The following HCN1 variants were observed in gnomAD, a reference collection of about 807,000 sequenced individuals.
HCN1 encodes potassium/sodium hyperpolarization-activated cyclic nucleotide-gated channel 1.
A neutral mutation model predicts 78.9 loss-of-function variants in HCN1; 13 were observed. The observed-to-expected ratio is 0.16, with a 90% confidence interval of 0.11 to 0.26. HCN1 has a LOEUF of 0.26. Ranked by LOEUF, HCN1 falls within the 10% of genes least tolerant of loss-of-function variation. HCN1 has a pLI of 1.00. For missense variants in HCN1, 810 were observed against 1,154.3 expected (o/e 0.70, Z 4.32); for synonymous variants, 552 against 455.5 (o/e 1.21, Z -2.70).
chr5:45,658,296 C>T (rs1366378336), intron 1 of HCN1, among the ~76,000 whole-genome samples: 2 of 152,178 alleles, frequency 1.3e-5, no homozygotes, highest in African/African-American at 4.8e-5. Context: ...TAGAAGAAAA[C>T]CTAGGCATTA....
In HCN1 at chr5:45,255,794, T is replaced by G. The variant is rs1431623106; in HGVS notation, c.*6127A>C. 1 of 152,196 alleles carries G rather than the reference T, an allele frequency of 6.6e-6. No homozygotes were observed. Among genetic ancestry groups the G allele is most frequent in the Admixed American group, 6.5e-5 (1 of 15,276 alleles). The allele number at this position is 152,196 out of a possible 1,614,324, so 9.4% of individuals were successfully genotyped here. On this transcript the variant is annotated 3_prime_UTR_variant, in exon 8 of 8. Coordinates refer to ENST00000303230, the MANE Select transcript of HCN1 (RefSeq NM_021072.4). ...TTTCTCAGGAGTTTTCCTCACAAAT[T>G]TAACAGGAAATAAAAACCTTTCAAG...
chr5:45,538,811 A>T (rs1450698590), intron 2 of HCN1, among the ~76,000 whole-genome samples: 1 of 152,200 alleles, frequency 6.6e-6, no homozygotes, highest in Admixed American at 6.5e-5. Flanking sequence ...GCCAAAGAAA[A>T]ATCATGTTTA....
intron 5 of HCN1, among the ~76,000 whole-genome samples, chr5:45,328,281 A>G (rs1181468658): frequency 6.6e-6 from 1 of 151,182 alleles, no homozygotes; most frequent in East Asian, 2.0e-4. Flanking sequence ...TCACAATTTC[A>G]TGAATAGAAG....
chr5:45,589,292 C>A (rs1240716090), intron 2 of HCN1, among the ~76,000 whole-genome samples: 1 of 152,034 alleles, frequency 6.6e-6, no homozygotes, highest in Non-Finnish European at 1.5e-5. Flanking sequence ...GGGTTTGCAG[C>A]AGTAGGGAAG....
chr5:45,346,775 C>T (rs564313317), intron 5 of HCN1, among the ~76,000 whole-genome samples: 1 of 152,322 alleles, frequency 6.6e-6, no homozygotes, highest in Non-Finnish European at 1.5e-5. Context: ...GCACAGCAAT[C>T]TGAGATCAAA....
chr5:45,471,405 T>G (rs950090840), intron 2 of HCN1, among the ~76,000 whole-genome samples: 2 of 151,978 alleles, frequency 1.3e-5, no homozygotes, highest in African/African-American at 4.8e-5. Flanking sequence ...CCATTTCTTT[T>G]GCAGACTCAG....
At chr5:45,531,560 T>C (rs1236279161) in intron 2 of HCN1, among the ~76,000 whole-genome samples, 2 of 152,188 alleles carry the variant, frequency 1.3e-5, no homozygotes, top group African/African-American at 4.8e-5. Context: ...AAGTATCCCC[T>C]ACTTCCCTTC....
At chr5:45,573,522 T>G (rs918702348) in intron 2 of HCN1, among the ~76,000 whole-genome samples, 1 of 152,138 alleles carries the variant, frequency 6.6e-6, no homozygotes, top group Admixed American at 6.6e-5. Flanking sequence ...CTTTTCTTAC[T>G]TTTTTGTACA....
At chr5:45,295,557 G>A (rs1376818870) in intron 6 of HCN1, among the ~76,000 whole-genome samples, 1 of 151,944 alleles carries the variant, frequency 6.6e-6, no homozygotes. Context: ...AAATTATACT[G>A]ATCTAGAAAC....
At chr5:45,552,384 T>A (rs558639302) in intron 2 of HCN1, among the ~76,000 whole-genome samples, 1 of 152,108 alleles carries the variant, frequency 6.6e-6, no homozygotes, top group East Asian at 1.9e-4. Context: ...AACAGTATTT[T>A]ATTTCAAGTA....
chr5:45,418,864 T>A (rs919540887), intron 3 of HCN1, among the ~76,000 whole-genome samples: 2 of 152,184 alleles, frequency 1.3e-5, no homozygotes, highest in African/African-American at 4.8e-5. Context: ...AAGATTTATA[T>A]ATAATTCTAT....
At chr5:45,535,426 C>T (rs1460142977) in intron 2 of HCN1, among the ~76,000 whole-genome samples, 12 of 152,086 alleles carry the variant, frequency 7.9e-5, no homozygotes, top group African/African-American at 2.4e-4. Context: ...GGTGAAACCC[C>T]GTCTTTACAA....
intron 5 of HCN1, among the ~76,000 whole-genome samples, chr5:45,322,667 T>A (rs1039896477): frequency 2.0e-5 from 3 of 151,838 alleles, no homozygotes; most frequent in African/African-American, 7.2e-5. Flanking sequence ...AACTTTTGAT[T>A]GCAACCTGTC....
At chr5:45,588,080 C>T (rs1252755070) in intron 2 of HCN1, among the ~76,000 whole-genome samples, 1 of 152,084 alleles carries the variant, frequency 6.6e-6, no homozygotes, top group African/African-American at 2.4e-5. Context: ...GTTTATGTGC[C>T]ACCAAAGTAC....
At chr5:45,368,900 AT>A (rs746952887) in intron 4 of HCN1, among the ~76,000 whole-genome samples, 3 of 151,970 alleles carry the variant, frequency 2.0e-5, no homozygotes, top group Non-Finnish European at 4.4e-5. Flanking sequence ...TTAAGTGAAC[AT>A]TTTCGTGAGA....
intron 2 of HCN1, among the ~76,000 whole-genome samples, chr5:45,524,928 C>T (rs1742700304): frequency 6.6e-6 from 1 of 152,120 alleles, no homozygotes; most frequent in African/African-American, 2.4e-5. Context: ...GCATCTCTGT[C>T]TTGTGGTAGT....
intron 2 of HCN1, among the ~76,000 whole-genome samples, chr5:45,623,394 C>T (rs962101582): frequency 1.3e-5 from 2 of 152,292 alleles, no homozygotes; most frequent in Non-Finnish European, 1.5e-5. Flanking sequence ...TTAGCTTCCC[C>T]TCACATCACT....
intron 3 of HCN1, among the ~76,000 whole-genome samples, chr5:45,431,292 GT>G (rs1329040190): frequency 1.3e-5 from 2 of 151,936 alleles, no homozygotes; most frequent in African/African-American, 2.4e-5. Context: ...TAATGGGGTT[GT>G]TTTTTTGCTT....
intron 2 of HCN1, among the ~76,000 whole-genome samples, chr5:45,497,825 T>C (rs1742079845): frequency 6.6e-6 from 1 of 152,346 alleles, no homozygotes; most frequent in Admixed American, 6.5e-5. Flanking sequence ...TAAAGGATTT[T>C]ATTTCTCCTT....
Sources: allele counts gnomAD v4.1 joint callset (sites outside exome capture counted in the v4.1 genomes callset), GRCh38; gene constraint gnomAD v4.1.1; transcripts MANE v1.5; gene names NCBI Gene and HGNC (gene_info 2026-07-23, HGNC 2026-07-21).